The following PELI1 variants were observed in gnomAD, a reference collection of about 807,000 sequenced individuals.
PELI1 encodes pellino E3 ubiquitin protein ligase 1.
A neutral mutation model predicts 41.3 loss-of-function variants in PELI1; 15 were observed. The observed-to-expected ratio is 0.36, with a 90% CI of 0.24 to 0.56. The LOEUF (loss-of-function observed/expected upper bound fraction) is 0.56. Ranked by LOEUF, PELI1 falls within the 20% of genes least tolerant of loss-of-function variation. The pLI is 0.82. For synonymous variants in PELI1, 178 were observed against 180.1 expected (o/e 0.99, Z 0.09); for missense variants, 403 against 525.5 (o/e 0.77, Z 2.28).
At chr2:64,107,652 G>A (rs1680663925) in intron 2 of PELI1, among the ~76,000 whole-genome samples, 1 of 152,068 alleles carries the variant, frequency 6.6e-6, no homozygotes, top group East Asian at 1.9e-4. Flanking sequence ...GACTGTGACA[G>A]TGGATAAATA....
intron 1 of PELI1, among the ~76,000 whole-genome samples, chr2:64,126,017 G>C (rs556093194): frequency 6.6e-6 from 1 of 152,098 alleles, no homozygotes; most frequent in Non-Finnish European, 1.5e-5. Flanking sequence ...AAACACTTCC[G>C]GTCCCAAGGA....
chr2:64,135,818 C>G (rs1681698819), intron 1 of PELI1, among the ~76,000 whole-genome samples: 1 of 152,148 alleles, frequency 6.6e-6, no homozygotes, highest in African/African-American at 2.4e-5. Context: ...ATGTAAGATG[C>G]ACTTTTGCAA....
At chr2:64,135,418 T>A (rs1681684866) in intron 1 of PELI1, among the ~76,000 whole-genome samples, 1 of 152,156 alleles carries the variant, frequency 6.6e-6, no homozygotes. Flanking sequence ...AAAGATTAAG[T>A]ATGGCACAAA....
Position 64,094,703 on chromosome 2 carries a change from T to A in PELI1, c.1256A>T (p.Ter419LeuextTer13). The A allele has an allele frequency of 6.2e-7, 1 of 1,608,434 alleles. No individual in the cohort carries two copies. The highest frequency in any genetic ancestry group is 2.2e-5 in the East Asian group (1 of 44,828). Residue 419 changes from the stop codon to leucine, a stop_lost, in exon 7 of 7, where the codon TAA becomes TTA. Coordinates refer to ENST00000358912, the MANE Select transcript of PELI1 (RefSeq NM_020651.4). Reference sequence around the variant, plus strand: ...GTAGTCCTGCAAGACAATGGTCTGTTAGTCTAGAGGTCCTTGAAAAATAAG... The same window carrying A: ...GTAGTCCTGCAAGACAATGGTCTGTAAGTCTAGAGGTCCTTGAAAAATAAG... The part of the protein sequence containing the change: ...IRLIFQGPLD[*>L]
intron 3 of PELI1, among the ~76,000 whole-genome samples, chr2:64,101,484 T>C (rs904199454): frequency 2.0e-5 from 3 of 152,146 alleles, no homozygotes; most frequent in African/African-American, 4.8e-5. Context: ...TCTATGTATA[T>C]GAGTTGAAGA....
chr2:64,111,234 T>A (rs1191545892), intron 1 of PELI1, among the ~76,000 whole-genome samples: 1 of 152,122 alleles, frequency 6.6e-6, no homozygotes, highest in African/African-American at 2.4e-5. Context: ...TACAGTACAA[T>A]GAAATACAGC....
At chr2:64,100,338 C>T (rs1680381985) in intron 4 of PELI1, 60 bp downstream of exon 4, 4 of 841,532 alleles carry the variant, frequency 4.8e-6, no homozygotes, top group Non-Finnish European at 8.2e-6. Context: ...CAAAAGTCAC[C>T]AACAATAGAT....
At chr2:64,100,604 T>C (rs1680393891) in intron 3 of PELI1, 105 bp from the exon 4 acceptor site, 2 of 713,030 alleles carry the variant, frequency 2.8e-6, no homozygotes, top group Admixed American at 4.7e-5. Flanking sequence ...ACATGACATA[T>C]TTATACATTT....
chr2:64,115,844 G>C (rs1235202525), intron 1 of PELI1, among the ~76,000 whole-genome samples: 1 of 152,154 alleles, frequency 6.6e-6, no homozygotes, highest in African/African-American at 2.4e-5. Flanking sequence ...CTGTAAAAAA[G>C]TTATACTTCA....
chr2:64,129,801 G>C (rs1380547539), intron 1 of PELI1, among the ~76,000 whole-genome samples: 1 of 152,086 alleles, frequency 6.6e-6, no homozygotes, highest in African/African-American at 2.4e-5. Flanking sequence ...ATGTATAATA[G>C]AATATAGTCT....
At chr2:64,106,716 AG>A (rs1050223483) in intron 2 of PELI1, among the ~76,000 whole-genome samples, 3 of 152,216 alleles carry the variant, frequency 2.0e-5, no homozygotes, top group Non-Finnish European at 4.4e-5. Context: ...TCACACAGCT[AG>A]CAGTGCTGAA....
chr2:64,143,710 G>A (rs1276383707), intron 1 of PELI1, among the ~76,000 whole-genome samples: 2 of 152,126 alleles, frequency 1.3e-5, no homozygotes, highest in African/African-American at 2.4e-5. Context: ...CAAACAAAAG[G>A]GAAACCCACC....
At position 64,143,027 on chromosome 2, in the gene PELI1, T is replaced by C. The variant is rs1191256117; in HGVS notation, c.-70+1054A>G. Among the ~76,000 whole-genome samples the C allele has an allele frequency of 3.7e-4, 57 of 152,230 alleles. 3 individuals carry two copies. The highest frequency in any genetic ancestry group is 3.7e-3 in the Admixed American group (56 of 15,288). On this transcript the variant is annotated intron_variant, in intron 1 of 6. Coordinates refer to ENST00000358912, the MANE Select transcript of PELI1 (RefSeq NM_020651.4). The stretch of plus-strand genomic sequence containing the variant: ...TAACATTTGTTGATATACTGTTTGA[T>C]GACTAAACGACAGGAATATTGTTGG...
At chr2:64,098,887 C>A (rs1026441972) in intron 4 of PELI1, among the ~76,000 whole-genome samples, 73 of 152,138 alleles carry the variant, frequency 4.8e-4, no homozygotes, top group African/African-American at 1.7e-3. Context: ...GTAGAAAGGG[C>A]ATAATCAGTT....
chr2:64,117,693 T>C (rs1681044988), intron 1 of PELI1, among the ~76,000 whole-genome samples: 1 of 152,232 alleles, frequency 6.6e-6, no homozygotes, highest in Non-Finnish European at 1.5e-5. Context: ...TGACAATTAT[T>C]ACTACTCTAA....
At chr2:64,118,268 A>G (rs7563423) in intron 1 of PELI1, among the ~76,000 whole-genome samples, 47,508 of 152,044 alleles carry the variant, frequency 0.31, 8,083 homozygotes, top group East Asian at 0.77. Flanking sequence ...CACATTAAAA[A>G]TACCCCAATT....
intron 1 of PELI1, among the ~76,000 whole-genome samples, chr2:64,119,609 A>C (rs1398231514): frequency 1.3e-5 from 2 of 152,204 alleles, no homozygotes; most frequent in Non-Finnish European, 2.9e-5. Flanking sequence ...TGAAGTGAGA[A>C]TTCACTTCTC....
At chr2:64,139,614 GTATTTTATT>G (rs1681829715) in intron 1 of PELI1, among the ~76,000 whole-genome samples, 1 of 152,136 alleles carries the variant, frequency 6.6e-6, no homozygotes, top group Non-Finnish European at 1.5e-5. Flanking sequence ...AAAACGCAAT[GTATTTTATT>G]TATTTTATGG....
At chr2:64,141,319 G>A (rs888858950) in intron 1 of PELI1, among the ~76,000 whole-genome samples, 34 of 93,426 alleles carry the variant, frequency 3.6e-4, no homozygotes, top group Non-Finnish European at 6.2e-4. Flanking sequence ...CACCCCAAAG[G>A]AGCTCCTAAA....
Sources: gnomAD v4.1 joint callset for allele counts (sites outside exome capture counted in the v4.1 genomes callset) on GRCh38, gnomAD v4.1.1 for gene constraint, MANE v1.5 for transcripts, NCBI Gene and HGNC (gene_info 2026-07-23, HGNC 2026-07-21) for gene names.